The following BTBD9 variants were observed in gnomAD, a reference collection of about 807,000 sequenced individuals.
The protein encoded by BTBD9 is BTB domain containing 9.
In BTBD9, 49 loss-of-function variants were observed where a neutral mutation model predicts 64.3. The observed-to-expected ratio is 0.76, with a 90% CI of 0.61 to 0.97. BTBD9 has a LOEUF of 0.97. BTBD9 is among the 50% of genes least tolerant of loss of function. The pLI, the probability that BTBD9 is intolerant of heterozygous loss-of-function variation, is 0.00. For synonymous variants in BTBD9, 260 were observed against 274.7 expected, an observed-to-expected ratio of 0.95 and a Z score of 0.53; for missense variants, 598 against 762.1, an observed-to-expected ratio of 0.78 and a Z score of 2.53.
At chr6:38,338,433 T>C (rs1297587271) in intron 7 of BTBD9, among the ~76,000 whole-genome samples, 1 of 152,150 alleles carries the variant, frequency 6.6e-6, no homozygotes, top group African/African-American at 2.4e-5. Context: ...TAAGGGGGTC[T>C]ACTGTACAGA....
chr6:38,313,131 CTAAA>C (rs1762902595), intron 7 of BTBD9, among the ~76,000 whole-genome samples: 1 of 151,856 alleles, frequency 6.6e-6, no homozygotes, highest in Non-Finnish European at 1.5e-5. Context: ...TCTTTAATTC[CTAAA>C]TATTTAATTT....
At chr6:38,330,759 T>C (rs1399147562) in intron 7 of BTBD9, among the ~76,000 whole-genome samples, 1 of 152,158 alleles carries the variant, frequency 6.6e-6, no homozygotes, top group African/African-American at 2.4e-5. Flanking sequence ...AAATCTATGA[T>C]ATATCTATTT....
intron 6 of BTBD9, among the ~76,000 whole-genome samples, chr6:38,532,607 T>C (rs148177613): frequency 5.9e-5 from 9 of 152,140 alleles, no homozygotes; most frequent in Admixed American, 2.0e-4. Flanking sequence ...CACAGTAGGA[T>C]AGGGACCAGT....
intron 6 of BTBD9, among the ~76,000 whole-genome samples, chr6:38,386,453 A>G (rs1469858275): frequency 6.6e-6 from 1 of 152,144 alleles, no homozygotes. Context: ...CTTCAGTTGA[A>G]AGTGAATGTC....
Position 38,371,473 on chromosome 6 carries a change from A to G in BTBD9, c.1155-26380T>C, listed in dbSNP as rs565331857. 7.2e-5 allele frequency among the ~76,000 whole-genome samples: 11 copies of G among 152,338 alleles called. No individual in the cohort carries two copies. The East Asian group carries it at 1.7e-3, about 24-fold the overall frequency. On this transcript the variant is annotated intron_variant, in intron 6 of 10. Coordinates refer to ENST00000481247, the MANE Select transcript of BTBD9 (RefSeq NM_001099272.2). ...AGCCTTCCTTCCCAGGATCTCATCC[A>G]GCACATGACAGACAGGCCCATTCTG...
At chr6:38,187,527 C>T (rs944859268) in intron 10 of BTBD9, among the ~76,000 whole-genome samples, 7 of 152,038 alleles carry the variant, frequency 4.6e-5, no homozygotes, top group Admixed American at 1.3e-4. Flanking sequence ...TCGGGGGAAG[C>T]GTTTGAGGGT....
chr6:38,474,075 T>C (rs978736251), intron 6 of BTBD9, among the ~76,000 whole-genome samples: 8 of 152,132 alleles, frequency 5.3e-5, no homozygotes, highest in Non-Finnish European at 1.2e-4. Flanking sequence ...AGAAGTTGGG[T>C]TTTATCTCAT....
intron 6 of BTBD9, among the ~76,000 whole-genome samples, chr6:38,375,808 A>C (rs1294141151): frequency 5.3e-5 from 8 of 152,164 alleles, no homozygotes; most frequent in South Asian, 2.1e-4. Context: ...TCAGTTTATT[A>C]CTAAAATAAA....
At chr6:38,621,267 T>C (rs1203770727) in intron 1 of BTBD9, among the ~76,000 whole-genome samples, 1 of 152,226 alleles carries the variant, frequency 6.6e-6, no homozygotes. Flanking sequence ...GGCTACTCCT[T>C]GAGGGACCAG....
At chr6:38,208,321 G>A (rs948958600) in intron 9 of BTBD9, among the ~76,000 whole-genome samples, 4 of 152,146 alleles carry the variant, frequency 2.6e-5, no homozygotes, top group Admixed American at 6.5e-5. Flanking sequence ...TGACCCCACA[G>A]CTGCCCACTG....
At position 38,288,700 on chromosome 6, in the gene BTBD9, G is replaced by A. The variant is rs561503319; in HGVS notation, c.1265-239C>T. On this transcript the variant is annotated intron_variant, in intron 7 of 10. Coordinates refer to ENST00000481247, the MANE Select transcript of BTBD9 (RefSeq NM_001099272.2). ...TAATCTCAGCACTTTGGGAGGCTGA[G>A]GTGGGCAGATCACTTGAGGTCAGGA... 2.0e-5 allele frequency among the ~76,000 whole-genome samples: 3 copies of A among 152,308 alleles called. 1 individual carries two copies. The highest frequency in any genetic ancestry group is 7.2e-5 in the African/African-American group (3 of 41,570).
chr6:38,463,901 A>G (rs1006251493), intron 6 of BTBD9, among the ~76,000 whole-genome samples: 4 of 152,136 alleles, frequency 2.6e-5, no homozygotes, highest in African/African-American at 7.2e-5. Flanking sequence ...GCATGGTGGC[A>G]TATTCCTGTG....
chr6:38,320,107 CA>C (rs1763175272), intron 7 of BTBD9, among the ~76,000 whole-genome samples: 1 of 152,226 alleles, frequency 6.6e-6, no homozygotes, highest in African/African-American at 2.4e-5. Context: ...CCCCCTCCCC[CA>C]AATGCACGGA....
chr6:38,279,700 C>T (rs769653912), intron 8 of BTBD9, among the ~76,000 whole-genome samples: 2 of 152,098 alleles, frequency 1.3e-5, no homozygotes, highest in Admixed American at 6.5e-5. Context: ...TTTCGTTTTC[C>T]AAGGTGAACA....
intron 6 of BTBD9, among the ~76,000 whole-genome samples, chr6:38,391,285 G>A (rs973117524): frequency 1.3e-5 from 2 of 152,190 alleles, no homozygotes; most frequent in African/African-American, 4.8e-5. Context: ...CACATCATCT[G>A]TTAATAGAAT....
At chr6:38,288,555 C>T (rs1761836151) in intron 7 of BTBD9, 94 bp from the exon 8 acceptor site, 1 of 954,600 alleles carries the variant, frequency 1.0e-6, no homozygotes, top group African/African-American at 1.6e-5. Context: ...ATTGCTATCT[C>T]AAATCAATGA....
At chr6:38,418,863 A>G (rs1301663717) in intron 6 of BTBD9, among the ~76,000 whole-genome samples, 1 of 152,214 alleles carries the variant, frequency 6.6e-6, no homozygotes, top group African/African-American at 2.4e-5. Context: ...TAGTCCCAGC[A>G]GCTATTTGGG....
At chr6:38,292,693 T>C (rs1010086718) in intron 7 of BTBD9, among the ~76,000 whole-genome samples, 3 of 152,186 alleles carry the variant, frequency 2.0e-5, no homozygotes, top group African/African-American at 7.2e-5. Context: ...ATTGTGTCTA[T>C]TTGATTCTTC....
Position 38,580,314 on chromosome 6 carries a change from G to A in BTBD9, c.938C>T (p.Pro313Leu), listed in dbSNP as rs531002886. The A allele has an allele frequency of 2.5e-6, 4 of 1,614,128 alleles. No individual in the cohort carries two copies. In the South Asian group the frequency reaches 4.4e-5, roughly 18 times the overall value. ...YDLDHGFSRH[P>L]IDDDCRSGIE... is the part of the protein sequence containing the mutation. ...GCCGGAACGGCAGTCATCATCAATT[G>A]GGTGCCTTGAAAATCCATGATCCAA... The change falls in exon 5 of 11, where the codon CCA becomes CTA. Residue 313 changes from proline to leucine, a missense_variant. Transcript: ENST00000481247.
Sources: allele counts gnomAD v4.1 joint callset (sites outside exome capture counted in the v4.1 genomes callset), GRCh38; gene constraint gnomAD v4.1.1; transcripts MANE v1.5; gene names NCBI Gene and HGNC (gene_info 2026-07-23, HGNC 2026-07-21).